Variants in ST7 observed in about 807,000 individuals in gnomAD.
The protein encoded by ST7 is suppression of tumorigenicity 7, also known as suppressor of tumorigenicity 7 protein.
A neutral mutation model predicts 78.7 loss-of-function variants in ST7; 28 were observed. That is an observed-to-expected ratio of 0.36 (90% CI 0.26 to 0.49). The LOEUF is 0.49. ST7 is among the 20% of genes least tolerant of loss of function. The probability of loss-of-function intolerance (pLI) is 0.99; values close to 1 mark genes in which losing one functional copy is unlikely to be tolerated. For missense variants in ST7, 418 were observed against 696.0 expected, an observed-to-expected ratio of 0.60 and a Z score of 4.49; for synonymous variants, 247 against 249.6, an observed-to-expected ratio of 0.99 and a Z score of 0.10.
At chr7:117,034,309 T>A (rs139135256) in intron 1 of ST7, among the ~76,000 whole-genome samples, 1 of 152,188 alleles carries the variant, frequency 6.6e-6, no homozygotes, top group Non-Finnish European at 1.5e-5. Context: ...CCTACTGTTA[T>A]TAGGTATTAT....
chr7:117,116,478 G>A (rs747880823), intron 2 of ST7, among the ~76,000 whole-genome samples: 3 of 152,092 alleles, frequency 2.0e-5, no homozygotes, highest in East Asian at 1.9e-4. Context: ...TGAGGTGCTC[G>A]CCCAAAGCCT....
At chr7:117,189,278 T>C in intron 10 of ST7, 43 bp from the exon 11 acceptor site, 1 of 1,462,520 alleles carries the variant, frequency 6.8e-7, no homozygotes, top group Non-Finnish European at 9.5e-7. Context: ...TGCTCTTTGT[T>C]ACCTGCAAAC....
chr7:117,007,265 C>A (rs1282054211), intron 1 of ST7, among the ~76,000 whole-genome samples: 1 of 152,172 alleles, frequency 6.6e-6, no homozygotes, highest in Non-Finnish European at 1.5e-5. Flanking sequence ...ACAAATGTAA[C>A]AGAATGAAAC....
At chr7:116,967,234 T>G in intron 1 of ST7, 1 of 468,862 alleles carries the variant, frequency 2.1e-6, no homozygotes, top group Middle Eastern at 3.4e-4. Flanking sequence ...AGGTAGTAAT[T>G]CTGAGCCTGT....
chr7:117,203,021 C>A (rs972899003), intron 12 of ST7, among the ~76,000 whole-genome samples: 3 of 152,166 alleles, frequency 2.0e-5, no homozygotes, highest in Non-Finnish European at 4.4e-5. Context: ...GGTTTCCCAT[C>A]CCATGAATAT....
intron 3 of ST7, among the ~76,000 whole-genome samples, chr7:117,120,293 C>G (rs897249273): frequency 1.3e-5 from 2 of 152,164 alleles, no homozygotes; most frequent in Non-Finnish European, 2.9e-5. Context: ...CAACCTGATG[C>G]TATAGCTTCC....
chr7:117,050,879 G>T (rs1236236251), intron 1 of ST7, among the ~76,000 whole-genome samples: 1 of 150,166 alleles, frequency 6.7e-6, no homozygotes, highest in Non-Finnish European at 1.5e-5. Context: ...GCAGTGAGCC[G>T]AGATCGAGCA....
intron 1 of ST7, among the ~76,000 whole-genome samples, chr7:116,987,447 G>A (rs895983907): frequency 2.6e-5 from 4 of 152,264 alleles, no homozygotes; most frequent in Admixed American, 2.0e-4. Context: ...CTCTTTTGAC[G>A]TTCTTTGCCT....
intron 9 of ST7, among the ~76,000 whole-genome samples, chr7:117,161,498 A>G (rs1013872966): frequency 6.6e-6 from 1 of 151,504 alleles, no homozygotes; most frequent in Non-Finnish European, 1.5e-5. Flanking sequence ...AATAATATAG[A>G]TAAAGCTGTG....
chr7:117,099,893 G>A (rs543040003), intron 2 of ST7, 49 bp downstream of exon 2: 154 of 1,405,450 alleles, frequency 1.1e-4, no homozygotes, highest in Non-Finnish European at 1.5e-4. Context: ...TTAGTAATAT[G>A]TGTATTAGTG....
At chr7:117,127,391 A>G (rs1430835448) in intron 3 of ST7, among the ~76,000 whole-genome samples, 1 of 151,900 alleles carries the variant, frequency 6.6e-6, no homozygotes, top group Non-Finnish European at 1.5e-5. Context: ...ACAAGATAAG[A>G]TTATGGAACA....
intron 12 of ST7, among the ~76,000 whole-genome samples, chr7:117,201,446 G>A (rs1256928376): frequency 5.9e-5 from 9 of 152,046 alleles, no homozygotes; most frequent in Non-Finnish European, 2.9e-5. Context: ...TATTAAGGCC[G>A]CTGCCACCTA....
At chr7:117,228,531 T>A (rs3808194) in intron 15 of ST7, among the ~76,000 whole-genome samples, 63,278 of 152,032 alleles carry the variant, frequency 0.42, 15,029 homozygotes, top group African/African-American at 0.64. Flanking sequence ...TCTGGCTATT[T>A]TGTGTTACCT....
rs1200801119 is a variant in ST7, at chr7:117,201,999, C to T, written c.1255-7788C>T. Among the ~76,000 whole-genome samples, 8 of 19,476 alleles carry T rather than the reference C, an allele frequency of 4.1e-4. 3 individuals carry two copies. The highest frequency in any genetic ancestry group is 4.0e-3 in the South Asian group (1 of 250). 12.8% of individuals were successfully genotyped at this position (19,476 alleles called of 152,430 possible). ...TTTTTGAGACGGAGTCTCGCTCTGACGCCCAGGCTGGAGTGCAGTGGCGGG... is the reference window on the plus strand; with the variant it reads ...TTTTTGAGACGGAGTCTCGCTCTGATGCCCAGGCTGGAGTGCAGTGGCGGG... On this transcript the variant is annotated intron_variant, in intron 12 of 15. Transcript: ENST00000323984.
chr7:117,058,426 A>G (rs1052463359), intron 1 of ST7, among the ~76,000 whole-genome samples: 2 of 152,182 alleles, frequency 1.3e-5, no homozygotes, highest in Non-Finnish European at 2.9e-5. Context: ...ACCATCTGCT[A>G]TATATCTTTT....
At chr7:116,970,310 G>T (rs1260762820) in intron 1 of ST7, among the ~76,000 whole-genome samples, 4 of 152,204 alleles carry the variant, frequency 2.6e-5, no homozygotes, top group Admixed American at 1.3e-4. Context: ...AGTCCTGACT[G>T]TTGGGCTAAT....
intron 1 of ST7, among the ~76,000 whole-genome samples, chr7:117,077,685 T>C (rs953584499): frequency 1.3e-5 from 2 of 152,154 alleles, no homozygotes; most frequent in Non-Finnish European, 2.9e-5. Context: ...GAATGGATAA[T>C]ATGTTGTAGT....
At chr7:117,157,133 T>C (rs2117190272) in intron 9 of ST7, among the ~76,000 whole-genome samples, 1 of 152,252 alleles carries the variant, frequency 6.6e-6, no homozygotes, top group Admixed American at 6.5e-5. Context: ...GAATACATGG[T>C]AAGAGAATGC....
At chr7:116,999,130 TA>T (rs1238940090) in intron 1 of ST7, among the ~76,000 whole-genome samples, 2 of 152,236 alleles carry the variant, frequency 1.3e-5, no homozygotes, top group East Asian at 3.8e-4. Context: ...ATGCTTGTGC[TA>T]TATACTGCCT....
Sources: allele counts gnomAD v4.1 joint callset (sites outside exome capture counted in the v4.1 genomes callset), GRCh38; gene constraint gnomAD v4.1.1; transcripts MANE v1.5; gene names NCBI Gene and HGNC (gene_info 2026-07-23, HGNC 2026-07-21).